ANKRD6: variants seen among roughly 807,000 people sequenced by gnomAD.
The protein encoded by ANKRD6 is ankyrin repeat domain 6.
ANKRD6 carries 56 observed loss-of-function variants against 82.3 expected under a neutral mutation model. The ratio of observed to expected loss-of-function variants is 0.68; its 90% CI spans 0.55 to 0.85. The LOEUF (loss-of-function observed/expected upper bound fraction) is 0.85, where lower values mean the gene tolerates loss of function less well. Among genes scored for constraint, ANKRD6 ranks in the 40% least tolerant of loss-of-function variants. ANKRD6 has a pLI of 0.00. For missense variants in ANKRD6, 852 were observed against 907.6 expected, an observed-to-expected ratio of 0.94 and a Z score of 0.79; for synonymous variants, 347 against 352.1, an observed-to-expected ratio of 0.99 and a Z score of 0.16.
intron 11 of ANKRD6, 141 bp downstream of exon 11, chr6:89,623,685 G>A: frequency 7.4e-7 from 1 of 1,348,700 alleles, no homozygotes; most frequent in Non-Finnish European, 1.0e-6. Flanking sequence ...ATTAAATCTG[G>A]CTAACATCAG....
intron 2 of ANKRD6, among the ~76,000 whole-genome samples, chr6:89,567,316 G>A (rs1788747360): frequency 1.3e-5 from 2 of 152,184 alleles, no homozygotes; most frequent in Non-Finnish European, 1.5e-5. Context: ...TAAAATCACG[G>A]TGGCTTTTCT....
chr6:89,618,461 A>C, intron 9 of ANKRD6: 1 of 476,428 alleles, frequency 2.1e-6, no homozygotes, highest in Non-Finnish European at 3.8e-6. Flanking sequence ...GATTCTGGGC[A>C]GATAGTCGCC....
At chr6:89,543,310 C>G (rs970854045) in intron 1 of ANKRD6, among the ~76,000 whole-genome samples, 2 of 152,156 alleles carry the variant, frequency 1.3e-5, no homozygotes, top group African/African-American at 4.8e-5. Context: ...CTGACTCTTC[C>G]TCATCCAGGG....
intron 8 of ANKRD6, 111 bp from the exon 9 acceptor site, chr6:89,617,843 G>A: frequency 2.0e-6 from 2 of 985,500 alleles, no homozygotes; most frequent in South Asian, 1.4e-5. Context: ...GTAGGTGCTG[G>A]GTGTGACTGG....
rs9344949 is a variant in ANKRD6, at chr6:89,606,713, G to A, written c.417+608G>A. On this transcript the variant is annotated intron_variant, in intron 5 of 15. Transcript: ENST00000339746. ...TCTAATAAAAATACAAAAATTATCCGGGAATGGTGGCTCATGCCTGTAGTC... is the reference window on the plus strand; with the variant it reads ...TCTAATAAAAATACAAAAATTATCCAGGAATGGTGGCTCATGCCTGTAGTC... Among the ~76,000 whole-genome samples, 482 of 150,802 alleles carry A rather than the reference G, an allele frequency of 3.2e-3. 2 individuals are homozygous for A. The highest frequency in any genetic ancestry group is 9.2e-3 in the East Asian group (46 of 5,020).
intron 8 of ANKRD6, chr6:89,616,932 A>G (rs1018985172): frequency 3.4e-6 from 2 of 591,424 alleles, no homozygotes; most frequent in African/African-American, 3.7e-5. Flanking sequence ...TGTCCAGTTA[A>G]ACTGACGAGT....
At chr6:89,605,394 A>G (rs1227751792) in intron 4 of ANKRD6, among the ~76,000 whole-genome samples, 1 of 152,222 alleles carries the variant, frequency 6.6e-6, no homozygotes, top group East Asian at 1.9e-4. Context: ...AATAAAGGCC[A>G]CACATTGAGG....
chr6:89,434,258 G>A (rs554357093), intron 1 of ANKRD6, among the ~76,000 whole-genome samples: 60 of 152,328 alleles, frequency 3.9e-4, no homozygotes, highest in Non-Finnish European at 7.5e-4. Flanking sequence ...TGTTCATGCA[G>A]TGAAGTGATG....
chr6:89,579,689 G>A (rs1417440705), intron 2 of ANKRD6, among the ~76,000 whole-genome samples: 4 of 142,598 alleles, frequency 2.8e-5, no homozygotes, highest in South Asian at 2.2e-4. Context: ...CCCAGGAGGC[G>A]GAAGCTGCAG....
chr6:89,553,057 T>C (rs993388236), intron 1 of ANKRD6, among the ~76,000 whole-genome samples: 3 of 152,158 alleles, frequency 2.0e-5, no homozygotes, highest in Admixed American at 1.3e-4. Flanking sequence ...TGGACATGCA[T>C]GTTGATAGCT....
chr6:89,470,725 A>C lies in ANKRD6; in HGVS notation c.-144+37350A>C, dbSNP rs1775346885. ...TTTTTCCTCTTATAACCAGCACTAT[A>C]GTGAACATCTTTTATAGCTATCTTT... On this transcript the variant is annotated intron_variant, in intron 1 of 15. Coordinates refer to ENST00000339746, the MANE Select transcript of ANKRD6 (RefSeq NM_001242809.2). Among the ~76,000 whole-genome samples, 3 of 152,146 alleles carry C rather than the reference A, an allele frequency of 2.0e-5. 1 individual carries two copies. The highest frequency in any genetic ancestry group is 4.1e-4 in the South Asian group (2 of 4,836).
At chr6:89,629,302 C>T (rs1421425939) in intron 15 of ANKRD6, 64 bp downstream of exon 15, 3 of 1,604,336 alleles carry the variant, frequency 1.9e-6, no homozygotes. Context: ...TTGTACTCTC[C>T]TGCACTGAAA....
intron 13 of ANKRD6, among the ~76,000 whole-genome samples, chr6:89,627,380 A>G (rs1025416315): frequency 2.6e-5 from 4 of 152,224 alleles, no homozygotes; most frequent in Admixed American, 6.5e-5. Context: ...TTTTTAAAAA[A>G]CGAAACGTTG....
At chr6:89,547,199 G>T (rs398089054) in intron 1 of ANKRD6, among the ~76,000 whole-genome samples, 1 of 4,660 alleles carries the variant, frequency 2.1e-4, no homozygotes, top group Admixed American at 1.3e-3. Context: ...TTGTTATTTG[G>T]GGGGGGGGTT....
chr6:89,470,743 C>T (rs1775354081), intron 1 of ANKRD6, among the ~76,000 whole-genome samples: 1 of 152,016 alleles, frequency 6.6e-6, no homozygotes, highest in Admixed American at 6.5e-5. Flanking sequence ...TCTTTTATAG[C>T]TATCTTTAGA....
chr6:89,488,321 A>G (rs1333146965), intron 1 of ANKRD6, among the ~76,000 whole-genome samples: 1 of 152,226 alleles, frequency 6.6e-6, no homozygotes, highest in African/African-American at 2.4e-5. Context: ...GTAGTGGCAC[A>G]TGCCTGCAGT....
chr6:89,588,286 C>G (rs1422000558), intron 2 of ANKRD6, among the ~76,000 whole-genome samples: 3 of 152,204 alleles, frequency 2.0e-5, no homozygotes, highest in Non-Finnish European at 4.4e-5. Flanking sequence ...TTCTGAATAT[C>G]ATGTTTGTAA....
At chr6:89,456,236 A>T (rs1773493182) in intron 1 of ANKRD6, among the ~76,000 whole-genome samples, 2 of 152,142 alleles carry the variant, frequency 1.3e-5, no homozygotes, top group African/African-American at 4.8e-5. Flanking sequence ...AGCAGGCCCC[A>T]CTTTTAACAT....
chr6:89,619,213 G>A (rs1309231621), intron 9 of ANKRD6, among the ~76,000 whole-genome samples: 1 of 152,206 alleles, frequency 6.6e-6, no homozygotes, highest in Non-Finnish European at 1.5e-5. Context: ...AGGAAAAGCT[G>A]CGGGGTTTCC....
Sources: allele counts gnomAD v4.1 joint callset (sites outside exome capture counted in the v4.1 genomes callset), GRCh38; gene constraint gnomAD v4.1.1; transcripts MANE v1.5; gene names NCBI Gene and HGNC (gene_info 2026-07-23, HGNC 2026-07-21).